ITGB8: variants seen among roughly 807,000 people sequenced by gnomAD.
ITGB8 encodes the protein integrin beta-8.
ITGB8 carries 30 observed loss-of-function variants against 89.5 expected under a neutral mutation model. That is an observed-to-expected ratio of 0.34 (90% CI 0.25 to 0.45). ITGB8 has a LOEUF of 0.45. ITGB8 is among the 20% of genes least tolerant of loss of function. The pLI, the probability that ITGB8 is intolerant of heterozygous loss-of-function variation, is 1.00. For missense variants in ITGB8, 836 were observed against 933.3 expected (o/e 0.90, Z 1.36); for synonymous variants, 335 against 320.4 (o/e 1.05, Z -0.49).
At chr7:20,385,796 CT>C (rs1786586922) in intron 6 of ITGB8, among the ~76,000 whole-genome samples, 1 of 130,960 alleles carries the variant, frequency 7.6e-6, no homozygotes, top group African/African-American at 2.7e-5. Flanking sequence ...TAATCCATAA[CT>C]TTGCTACCTG....
chr7:20,402,293 C>T (rs941843678), intron 10 of ITGB8, among the ~76,000 whole-genome samples, 167 bp downstream of exon 10: 2 of 152,102 alleles, frequency 1.3e-5, no homozygotes, highest in Non-Finnish European at 1.5e-5. Context: ...ATTTATAGTA[C>T]GTGATTTTGA....
intron 8 of ITGB8, among the ~76,000 whole-genome samples, chr7:20,396,851 G>A (rs928866478): frequency 6.6e-6 from 1 of 152,162 alleles, no homozygotes; most frequent in African/African-American, 2.4e-5. Flanking sequence ...GCCTAGCATA[G>A]GTATGCAATG....
chr7:20,348,038 G>A (rs1784987246), intron 1 of ITGB8, among the ~76,000 whole-genome samples: 1 of 152,182 alleles, frequency 6.6e-6, no homozygotes, highest in African/African-American at 2.4e-5. Flanking sequence ...TCTTGATAAT[G>A]AGGAGAGGCA....
chr7:20,404,939 CA>C (rs1787473163), intron 11 of ITGB8, 86 bp downstream of exon 11: 1 of 1,140,202 alleles, frequency 8.8e-7, no homozygotes, highest in Admixed American at 1.7e-5. Context: ...TAAACGTTGC[CA>C]GATACATTGT....
At position 20,401,951 on chromosome 7, in the gene ITGB8, T is replaced by A. The variant is rs1787330948; in HGVS notation, c.1512T>A (p.Asp504Glu). ...AGAATAAATGTCATTTTGATGAAGA[T>A]CAGTTTTCTTCTGAGAGTTGCAAGT... The part of the protein sequence containing the change: ...CDENKCHFDE[D>E]QFSSESCKSH... The change falls in exon 10 of 14, where the codon GAT becomes GAA. Residue 504 changes from aspartate to glutamate, a missense_variant. This residue lies in a region of ITGB8 where 422 missense variants were observed against 416.9 expected (regional missense o/e 1.01). Coordinates refer to ENST00000222573, the MANE Select transcript of ITGB8 (RefSeq NM_002214.3). 1 of 1,614,212 alleles carries A rather than the reference T, an allele frequency of 6.2e-7. No individual in the cohort carries two copies. The highest frequency in any genetic ancestry group is 8.5e-7 in the Non-Finnish European group (1 of 1,180,014).
At chr7:20,399,565 C>CAAA (rs1787222572) in intron 9 of ITGB8, among the ~76,000 whole-genome samples, 2 of 47,062 alleles carry the variant, frequency 4.2e-5, no homozygotes. Flanking sequence ...TCATCATTTA[C>CAAA]CAAAAAAAAA....
chr7:20,347,003 C>G (rs1202156488), intron 1 of ITGB8: 1 of 253,742 alleles, frequency 3.9e-6, no homozygotes, highest in African/African-American at 2.3e-5. Flanking sequence ...AGATAGGACC[C>G]TGGTGAATTG....
chr7:20,410,700 T>G lies in ITGB8; in HGVS notation c.*703T>G, dbSNP rs1236886533. On this transcript the variant is annotated 3_prime_UTR_variant, in exon 14 of 14. Transcript: ENST00000222573. ...AGGATAAGTTTATGTATGTCACAGATGACTGGATTAATTAAGTGCTAAGTT... is the reference window on the plus strand; with the variant it reads ...AGGATAAGTTTATGTATGTCACAGAGGACTGGATTAATTAAGTGCTAAGTT... 1 of 152,656 alleles carries G rather than the reference T, an allele frequency of 6.6e-6. No homozygotes were observed. The highest frequency in any genetic ancestry group is 1.5e-5 in the Non-Finnish European group (1 of 68,030). The allele number at this position is 152,656 out of a possible 1,614,324, so 9.5% of individuals were successfully genotyped here.
chr7:20,370,657 C>T (rs1191731107), intron 3 of ITGB8, among the ~76,000 whole-genome samples: 2 of 151,550 alleles, frequency 1.3e-5, no homozygotes, highest in African/African-American at 4.8e-5. Flanking sequence ...GTCACCCAGG[C>T]TGGAATACAG....
chr7:20,356,941 A>T (rs1432629432), intron 1 of ITGB8, among the ~76,000 whole-genome samples: 8 of 151,998 alleles, frequency 5.3e-5, no homozygotes, highest in Non-Finnish European at 1.0e-4. Flanking sequence ...AAATATTTTC[A>T]AAATAATATG....
intron 1 of ITGB8, among the ~76,000 whole-genome samples, chr7:20,338,025 C>T (rs767375694): frequency 6.6e-6 from 1 of 152,192 alleles, no homozygotes; most frequent in African/African-American, 2.4e-5. Flanking sequence ...AAACAACAGG[C>T]TACCTGTGCT....
intron 8 of ITGB8, 27 bp downstream of exon 8, chr7:20,395,012 T>A (rs1466060608): frequency 1.4e-6 from 2 of 1,403,650 alleles, no homozygotes; most frequent in East Asian, 2.4e-5. Context: ...TACAATTTTT[T>A]AAATAAAATT....
intron 7 of ITGB8, among the ~76,000 whole-genome samples, chr7:20,394,332 G>A (rs1432959575): frequency 1.3e-5 from 2 of 152,072 alleles, no homozygotes; most frequent in South Asian, 2.1e-4. Flanking sequence ...AATACCTACG[G>A]TCTTCTCCAT....
chr7:20,381,951 A>G, intron 6 of ITGB8, 66 bp downstream of exon 6: 1 of 1,362,204 alleles, frequency 7.3e-7, no homozygotes. Context: ...TAAATTGGCA[A>G]CTCAACTATT....
chr7:20,370,903 C>T (rs1216330743), intron 3 of ITGB8, among the ~76,000 whole-genome samples: 2 of 152,106 alleles, frequency 1.3e-5, no homozygotes, highest in East Asian at 3.8e-4. Context: ...AGTGAGCCAT[C>T]GAGCCCGGCC....
chr7:20,331,316 G>A lies in ITGB8; in HGVS notation c.-491G>A, dbSNP rs1341883658. 7.9e-6 allele frequency: 3 copies of A among 380,674 alleles called. No homozygotes were observed. The highest frequency in any genetic ancestry group is 3.8e-5 in the East Asian group (1 of 26,630). The allele number at this position is 380,674 out of a possible 1,614,324, so 23.6% of individuals were successfully genotyped here. Reference sequence around the variant, plus strand: ...CACAGACTTTTTTCCCCTCGACCTCGCCGGCGTCCCCTCCCACAGATCCAG... The same window carrying A: ...CACAGACTTTTTTCCCCTCGACCTCACCGGCGTCCCCTCCCACAGATCCAG... On this transcript the variant is annotated 5_prime_UTR_variant, in exon 1 of 14. Transcript: ENST00000222573.
intron 6 of ITGB8, among the ~76,000 whole-genome samples, chr7:20,388,806 G>A (rs1786738071): frequency 6.6e-6 from 1 of 151,896 alleles, no homozygotes; most frequent in Non-Finnish European, 1.5e-5. Context: ...CCCCTGACAG[G>A]CCCTGGTGTA....
At chr7:20,364,142 T>C (rs746887542) in intron 2 of ITGB8, among the ~76,000 whole-genome samples, 1 of 152,208 alleles carries the variant, frequency 6.6e-6, no homozygotes, top group Non-Finnish European at 1.5e-5. Flanking sequence ...AAATTCTTAG[T>C]AAAACAATTA....
chr7:20,358,765 G>C (rs752049447), intron 1 of ITGB8, among the ~76,000 whole-genome samples: 17 of 152,156 alleles, frequency 1.1e-4, no homozygotes, highest in Non-Finnish European at 2.2e-4. Flanking sequence ...TTTGTTACCT[G>C]GTATATTGCA....
Sources: allele counts gnomAD v4.1 joint callset (sites outside exome capture counted in the v4.1 genomes callset), GRCh38; gene constraint gnomAD v4.1.1; regional missense constraint gnomAD v4.1.1; transcripts MANE v1.5; gene names NCBI Gene and HGNC (gene_info 2026-07-23, HGNC 2026-07-21).